TTN: variants seen among roughly 807,000 people sequenced by gnomAD.
The protein encoded by TTN is titin.
A neutral mutation model predicts 3,223.0 loss-of-function variants in TTN; 1,525 were observed. The observed-to-expected ratio is 0.47, with a 90% CI of 0.45 to 0.49. TTN has a LOEUF of 0.49. TTN is among the 20% of genes least tolerant of loss of function. The pLI is 0.00. For missense variants in TTN, 40,786 were observed against 43,424.0 expected (o/e 0.94, Z 5.40); for synonymous variants, 14,094 against 15,161.0 (o/e 0.93, Z 5.17).
chr2:178,689,736 C>G, intron 122 of TTN, 77 bp downstream of exon 122: 1 of 1,472,392 alleles, frequency 6.8e-7, no homozygotes, highest in Non-Finnish European at 9.3e-7. Flanking sequence ...TAAACTAACT[C>G]AATGAACAGA....
intron 99 of TTN, 31 bp from the exon 100 acceptor site, chr2:178,707,844 CA>C: frequency 3.3e-6 from 5 of 1,535,826 alleles, no homozygotes; most frequent in Non-Finnish European, 4.4e-6. Context: ...TCATGAGGAA[CA>C]TAAAGGCAAA....
rs950902715 is a variant in TTN at position 178,527,119 on chromosome 2, T to A, written c.107869A>T (p.Ile35957Phe). Residue 35957 changes from isoleucine to phenylalanine, a missense_variant, in exon 363 of 363, where the codon ATC becomes TTC. Physicochemically the swap from Ile to Phe is conservative, Grantham distance 21. Coordinates refer to ENST00000589042, the MANE Select transcript of TTN (RefSeq NM_001267550.2). ...IENTDDLTTL[I>F]IMDVQKQDGG... is the part of the protein sequence containing the mutation. ...TCTTGTTTCTGTACGTCCATGATGA[T>A]CAGGGTTGTCAGGTCATCTGTGTTT... The A allele has an allele frequency of 2.9e-5, 47 of 1,613,868 alleles. No individual in the cohort carries two copies. Among genetic ancestry groups the A allele is most frequent in the Non-Finnish European group, 4.0e-5 (47 of 1,179,872 alleles).
chr2:178,651,429 C>T, intron 207 of TTN, 24 bp downstream of exon 207: 1 of 1,604,048 alleles, frequency 6.2e-7, no homozygotes, highest in East Asian at 2.2e-5. Flanking sequence ...CCGCCCCCAT[C>T]AAACAGTGGA....
chr2:178,746,298 C>A (rs1560967962), intron 47 of TTN: 2 of 1,612,246 alleles, frequency 1.2e-6, no homozygotes, highest in South Asian at 2.2e-5. Context: ...ATTTTTAGTT[C>A]TTTGTCTTCT....
At chr2:178,792,712 G>A (rs2093572984) in intron 9 of TTN, among the ~76,000 whole-genome samples, 2 of 152,296 alleles carry the variant, frequency 1.3e-5, no homozygotes, top group East Asian at 1.9e-4. Context: ...AGGTATATGC[G>A]TATGTAGGGG....
chr2:178,741,012 A>G lies in TTN; in HGVS notation c.12221T>C (p.Phe4074Ser), dbSNP rs1199861811. The change falls in exon 48 of 363, where the codon TTT becomes TCT. Residue 4074 changes from phenylalanine to serine, a missense_variant. Transcript: ENST00000589042. ...AGCTTTCAAAATGGTGTCTTTTACA[A>G]ACGTTGCAATTTCCTGCTCTGAGTC... ...ALDSEQEIAT[F>S]VKDTILKAAL... 1 of 1,613,916 alleles carries G rather than the reference A, an allele frequency of 6.2e-7. No individual in the cohort carries two copies. Among genetic ancestry groups the G allele is most frequent in the Admixed American group, 1.7e-5 (1 of 60,014 alleles).
intron 132 of TTN, 58 bp from the exon 133 acceptor site, chr2:178,684,140 CA>C: frequency 6.3e-7 from 1 of 1,582,730 alleles, no homozygotes. Flanking sequence ...CACAAAAAGG[CA>C]GCCATAAAGT....
At position 178,560,262 on chromosome 2, in the gene TTN, G is replaced by A. The variant is rs398124458; in HGVS notation, c.85870C>T (p.Arg28624Cys). 6 of 1,613,760 alleles carry A rather than the reference G, an allele frequency of 3.7e-6. No homozygotes were observed. Among genetic ancestry groups the A allele is most frequent in the East Asian group, 2.2e-5 (1 of 44,838 alleles). The change falls in exon 326 of 363, where the codon CGT becomes TGT. Residue 28624 changes from arginine to cysteine, a missense_variant. Transcript: ENST00000589042. ...GLREGCEYEY[R>C]VYAENAAGLS... Reference sequence around the variant, plus strand: ...CCAGCAGCATTTTCTGCATAAACACGATATTCATATTCACATCCTTCCCGA... The same window carrying A: ...CCAGCAGCATTTTCTGCATAAACACAATATTCATATTCACATCCTTCCCGA...
chr2:178,665,615 A>G (rs1245560097), intron 164 of TTN, 93 bp downstream of exon 164: 4 of 1,239,072 alleles, frequency 3.2e-6, no homozygotes, highest in Non-Finnish European at 4.4e-6. Flanking sequence ...CCACATATTA[A>G]TTGTCTTTGT....
In TTN at chr2:178,756,286, G is replaced by C. The variant is rs373667402; in HGVS notation, c.11190C>G (p.Tyr3730Ter). 6.2e-7 allele frequency: 1 copy of C among 1,613,864 alleles called. No homozygotes were observed. The highest frequency in any genetic ancestry group is 8.5e-7 in the Non-Finnish European group (1 of 1,179,788). Residue 3730 changes from tyrosine (Y) to a stop codon, truncating the protein, a stop_gained, in exon 46 of 363, where the codon TAC becomes TAG. Transcript: ENST00000589042. LOFTEE classifies it high-confidence loss of function. Reference protein sequence around the residue: ...CNVQLVDQGLYSCIVHNDCGE... With the variant: ...CNVQLVDQGL ...CACAGTCATTGTGTACAATGCAGCT[G>C]TATAGTCCTTGGTCTACCAGCTGAA...
Position 178,774,094 on chromosome 2 carries a change from G to A in TTN, c.7074C>T (p.Ile2358=). 1 of 1,614,040 alleles carries A rather than the reference G, an allele frequency of 6.2e-7. No homozygotes were observed. Residue 2358 remains isoleucine (I), a synonymous_variant, in exon 31 of 363, where the codon ATC becomes ATT. Coordinates refer to ENST00000589042, the MANE Select transcript of TTN (RefSeq NM_001267550.2). ...KLKMKPRPIA[I]LQGLSDQKVC... ...CTTTTTGGTCACTAAGTCCTTGTAG[G>A]ATAGCAATGGGGCGGGCTGTGAAAT...
chr2:178,610,859 G>T lies in TTN; in HGVS notation c.51136+134C>A, dbSNP rs544285209. The T allele has an allele frequency of 4.5e-6, 5 of 1,112,588 alleles. No homozygotes were observed. The Admixed American group carries it at 1.0e-4, about 23-fold the overall frequency. The allele number at this position is 1,112,588 out of a possible 1,614,324, so 68.9% of individuals were successfully genotyped here. The stretch of plus-strand genomic sequence containing the variant: ...AATTGTTTTACTTCTCCTATGGAAA[G>T]ACATAATCAGAAGTGACATTTAGTT... On this transcript the variant is annotated intron_variant, in intron 270 of 362. Transcript: ENST00000589042.
At chr2:178,794,842 C>T (rs2093683651) in intron 7 of TTN, 80 bp downstream of exon 7, 2 of 1,555,830 alleles carry the variant, frequency 1.3e-6, no homozygotes, top group Admixed American at 1.7e-5. Flanking sequence ...CCAATTTATA[C>T]AGACTGAGTT....
chr2:178,748,907 T>A (rs777858964), intron 47 of TTN: 1 of 1,612,428 alleles, frequency 6.2e-7, no homozygotes, highest in Admixed American at 1.7e-5. Flanking sequence ...TTCTCTTTGC[T>A]TTAATGAAAA....
intron 283 of TTN, 32 bp downstream of exon 283, chr2:178,602,250 G>A (rs1374009580): frequency 6.2e-7 from 1 of 1,601,774 alleles, no homozygotes; most frequent in South Asian, 1.1e-5. Context: ...AAGATCAAAA[G>A]AGGAATACAT....
rs183529169 is a variant in TTN at position 178,798,049 on chromosome 2, A to C, written c.914+1438T>G. On this transcript the variant is annotated intron_variant, in intron 6 of 362. Transcript: ENST00000589042. ...GGCCACTTTGCTTTTTGAATTCCCT[A>C]TATACTTGGATCTATTATACTTGGA... Among the ~76,000 whole-genome samples the C allele has an allele frequency of 2.1e-3, 312 of 152,038 alleles. 8 individuals carry two copies. The South Asian group carries it at 0.025, about 12-fold the overall frequency.
chr2:178,608,060 G>A lies in TTN; in HGVS notation c.52727C>T (p.Pro17576Leu). Residue 17576 changes from proline (P) to leucine (L), a missense_variant, in exon 276 of 363, where the codon CCA becomes CTA. Transcript: ENST00000589042. Reference protein sequence around the residue: ...DPISPPGPPIPRVTDTSSTTI... With the variant: ...DPISPPGPPILRVTDTSSTTI... ...TGTAGAGCTTGTGTCAGTGACTCTTGGGATAGGTGGCCCAGGAGGAGCTAG... is the reference window on the plus strand; with the variant it reads ...TGTAGAGCTTGTGTCAGTGACTCTTAGGATAGGTGGCCCAGGAGGAGCTAG... 2 of 1,612,412 alleles carry A rather than the reference G, an allele frequency of 1.2e-6. No homozygotes were observed. The highest frequency in any genetic ancestry group is 1.7e-6 in the Non-Finnish European group (2 of 1,179,180).
Position 178,563,618 on chromosome 2 carries a change from ATGTAG to A in TTN, c.82509_82513del (p.Tyr27504SerfsTer2). 6.2e-7 allele frequency: 1 copy of A among 1,613,678 alleles called. No individual in the cohort carries two copies. Among genetic ancestry groups the A allele is most frequent in the Non-Finnish European group, 8.5e-7 (1 of 1,179,762 alleles). On this transcript the variant is annotated frameshift_variant, in exon 326 of 363. Transcript: ENST00000589042. LOFTEE classifies it high-confidence loss of function. The surrounding 1 kb of genome is among the most constrained non-coding windows in gnomAD (Gnocchi z 4.5). Reference sequence around the variant, plus strand: ...GCCTTCCTTATCTCGTTTTTCAAGAATGTAGCCCTCAATTTCGGTACCTCCGTCGT... The same window carrying A: ...GCCTTCCTTATCTCGTTTTTCAAGAACCCTCAATTTCGGTACCTCCGTCGT...
chr2:178,672,735 AGAAT>A (rs1246466852), intron 152 of TTN, 32 bp from the exon 153 acceptor site: 10 of 1,534,920 alleles, frequency 6.5e-6, no homozygotes, highest in Non-Finnish European at 8.0e-6. Context: ...TAGTTAGCTG[AGAAT>A]GTTCAATAAC....
Sources: gnomAD v4.1 joint callset for allele counts (sites outside exome capture counted in the v4.1 genomes callset) on GRCh38, gnomAD v4.1.1 for gene constraint, Gnocchi (gnomAD v3.1) non-coding constraint, MANE v1.5 for transcripts, NCBI Gene and HGNC (gene_info 2026-07-23, HGNC 2026-07-21) for gene names.